The following PPP2CA variants were observed in gnomAD, a reference collection of about 807,000 sequenced individuals.
PPP2CA encodes the protein serine/threonine-protein phosphatase 2A catalytic subunit alpha isoform.
In PPP2CA, 5 loss-of-function variants were observed where a neutral mutation model predicts 38.8. That is an observed-to-expected ratio of 0.13 (90% confidence interval 0.07 to 0.27). The LOEUF (loss-of-function observed/expected upper bound fraction) is 0.27. Ranked by LOEUF, PPP2CA falls within the 10% of genes least tolerant of loss-of-function variation. The pLI, the probability that PPP2CA is intolerant of heterozygous loss-of-function variation, is 1.00. For synonymous variants in PPP2CA, 152 were observed against 134.0 expected (o/e 1.13, Z -0.93); for missense variants, 88 against 389.7 (o/e 0.23, Z 6.52).
intron 1 of PPP2CA, among the ~76,000 whole-genome samples, chr5:134,211,044 A>T (rs1261391915): frequency 6.6e-6 from 1 of 152,196 alleles, no homozygotes; most frequent in Admixed American, 6.5e-5. Context: ...CCTAGAATCC[A>T]AAAATTTGCA....
rs1005126716 is a variant in PPP2CA, at chr5:134,226,036, T to G, written c.-175A>C. The G allele has an allele frequency of 3.7e-6, 2 of 537,826 alleles. No individual in the cohort carries two copies. Among genetic ancestry groups the G allele is most frequent in the Non-Finnish European group, 3.2e-6 (1 of 309,346 alleles). 33.3% of individuals were successfully genotyped at this position (537,826 alleles called of 1,614,324 possible). Reference sequence around the variant, plus strand: ...CTCGGCCGTCGGCCGCTGCGCCTCCTCCTCCGCTCGCTGAGGCTCCAGAGC... The same window carrying G: ...CTCGGCCGTCGGCCGCTGCGCCTCCGCCTCCGCTCGCTGAGGCTCCAGAGC... On this transcript the variant is annotated 5_prime_UTR_variant, in exon 1 of 7. Coordinates refer to ENST00000481195, the MANE Select transcript of PPP2CA (RefSeq NM_002715.4).
At chr5:134,213,569 T>G (rs1459432197) in intron 1 of PPP2CA, among the ~76,000 whole-genome samples, 1 of 151,474 alleles carries the variant, frequency 6.6e-6, no homozygotes, top group Non-Finnish European at 1.5e-5. Context: ...GAGGATTGCT[T>G]GAGCTCAGGA....
intron 1 of PPP2CA, among the ~76,000 whole-genome samples, chr5:134,208,732 G>A (rs995774338): frequency 4.6e-5 from 7 of 152,136 alleles, no homozygotes; most frequent in Non-Finnish European, 1.0e-4. Flanking sequence ...AAAAATTGGG[G>A]AGTGTCTGTA....
At chr5:134,205,705 G>A (rs1440630981) in intron 2 of PPP2CA, 8 of 485,640 alleles carry the variant, frequency 1.6e-5, no homozygotes, top group Non-Finnish European at 2.2e-5. Flanking sequence ...CAATCTGACT[G>A]AGGCATTCAT....
intron 3 of PPP2CA, among the ~76,000 whole-genome samples, 163 bp from the exon 4 acceptor site, chr5:134,201,237 C>T (rs1239511614): frequency 6.6e-6 from 1 of 152,198 alleles, no homozygotes; most frequent in Admixed American, 6.5e-5. Flanking sequence ...CACAGCAAGA[C>T]CCTGTGTCTC....
chr5:134,199,252 C>T, intron 5 of PPP2CA, 48 bp from the exon 6 acceptor site: 1 of 1,345,170 alleles, frequency 7.4e-7, no homozygotes, highest in South Asian at 1.2e-5. Context: ...CTCAATTCAA[C>T]TAAATGTTAC....
chr5:134,209,279 G>GAA (rs56150132), intron 1 of PPP2CA, among the ~76,000 whole-genome samples: 1 of 150,712 alleles, frequency 6.6e-6, no homozygotes. Flanking sequence ...ACCGGAGGGG[G>GAA]AAAAAAAAAA....
rs926224644 is a variant in PPP2CA, at chr5:134,197,583, T to C, written c.*189A>G. The C allele has an allele frequency of 1.0e-5, 6 of 579,212 alleles. No homozygotes were observed. The highest frequency in any genetic ancestry group is 9.3e-5 in the African/African-American group (5 of 53,724). The allele number at this position is 579,212 out of a possible 1,614,324, so 35.9% of individuals were successfully genotyped here. On this transcript the variant is annotated 3_prime_UTR_variant, in exon 7 of 7. Coordinates refer to ENST00000481195, the MANE Select transcript of PPP2CA (RefSeq NM_002715.4). ...CTTCAGCATGCAATGAACTGGTTCA[T>C]TCTAAAGTGGTCACGGCTGTTGATG...
intron 1 of PPP2CA, 37 bp from the exon 2 acceptor site, chr5:134,206,168 G>A (rs1262197556): frequency 6.5e-7 from 1 of 1,531,508 alleles, no homozygotes; most frequent in Non-Finnish European, 9.0e-7. Context: ...AATACATTTG[G>A]CATTAAACAA....
intron 2 of PPP2CA, among the ~76,000 whole-genome samples, chr5:134,203,160 T>C (rs1277785269): frequency 6.6e-6 from 1 of 152,154 alleles, no homozygotes; most frequent in African/African-American, 2.4e-5. Context: ...AAAAACATAA[T>C]CTTAATTTTG....
At chr5:134,198,208 G>A (rs932117830) in intron 6 of PPP2CA, among the ~76,000 whole-genome samples, 6 of 151,648 alleles carry the variant, frequency 4.0e-5, no homozygotes, top group African/African-American at 9.7e-5. Flanking sequence ...GGCTACCACG[G>A]TGAAACCCCA....
At chr5:134,210,619 G>C (rs560073866) in intron 1 of PPP2CA, among the ~76,000 whole-genome samples, 47 of 152,142 alleles carry the variant, frequency 3.1e-4, no homozygotes, top group Non-Finnish European at 5.9e-4. Context: ...CAAGGCAGGT[G>C]GATCATTTGA....
chr5:134,210,065 G>A (rs7705256), intron 1 of PPP2CA, among the ~76,000 whole-genome samples: 4,113 of 151,624 alleles, frequency 0.027, 194 homozygotes, highest in African/African-American at 0.095. Context: ...GATGCAGTGA[G>A]CCGTGATCAT....
intron 1 of PPP2CA, among the ~76,000 whole-genome samples, chr5:134,208,330 A>G (rs1320320231): frequency 6.6e-6 from 1 of 152,218 alleles, no homozygotes; most frequent in East Asian, 1.9e-4. Context: ...TCAAATCATG[A>G]AGGAAAATTA....
intron 1 of PPP2CA, among the ~76,000 whole-genome samples, chr5:134,222,421 GT>G (rs982870161): frequency 1.3e-5 from 2 of 152,130 alleles, no homozygotes; most frequent in Middle Eastern, 6.8e-3. Context: ...GAAGCAGTTT[GT>G]TTTTTCCATA....
Position 134,197,104 on chromosome 5 carries a change from A to G in PPP2CA, c.*668T>C, listed in dbSNP as rs191693762. 1 of 152,728 alleles carries G rather than the reference A, an allele frequency of 6.5e-6. No homozygotes were observed. Among genetic ancestry groups the G allele is most frequent in the East Asian group, 1.9e-4 (1 of 5,190 alleles). The allele number at this position is 152,728 out of a possible 1,614,324, so 9.5% of individuals were successfully genotyped here. ...ATTTGACCTTCTCAGTTCTTAGTTC[A>G]CAAGTTTATTATGAAAAACACTGCA... On this transcript the variant is annotated 3_prime_UTR_variant, in exon 7 of 7. Transcript: ENST00000481195.
At chr5:134,222,837 A>T (rs1287623927) in intron 1 of PPP2CA, among the ~76,000 whole-genome samples, 1 of 152,228 alleles carries the variant, frequency 6.6e-6, no homozygotes, top group African/African-American at 2.4e-5. Context: ...TATACTATAC[A>T]CTAACAACCT....
rs1402525792 is a variant in PPP2CA, at chr5:134,195,871, G to A, written c.*1901C>T. On this transcript the variant is annotated 3_prime_UTR_variant, in exon 7 of 7. Transcript: ENST00000481195. Reference sequence around the variant, plus strand: ...ACAAAATTTAGAGAATTTGTACCTGGAAGATACCACCACGTGTCAATTACA... The same window carrying A: ...ACAAAATTTAGAGAATTTGTACCTGAAAGATACCACCACGTGTCAATTACA... The A allele has an allele frequency of 6.6e-6, 1 of 152,030 alleles. No homozygotes were observed. Among genetic ancestry groups the A allele is most frequent in the Non-Finnish European group, 1.5e-5 (1 of 68,034 alleles). The allele number at this position is 152,030 out of a possible 1,614,324, so 9.4% of individuals were successfully genotyped here.
At chr5:134,204,505 C>T (rs763792371) in intron 2 of PPP2CA, among the ~76,000 whole-genome samples, 9 of 152,142 alleles carry the variant, frequency 5.9e-5, no homozygotes, top group African/African-American at 9.7e-5. Context: ...CTCTGTCACA[C>T]GGCTGGAGTG....
Sources: allele counts gnomAD v4.1 joint callset (sites outside exome capture counted in the v4.1 genomes callset), GRCh38; gene constraint gnomAD v4.1.1; transcripts MANE v1.5; gene names NCBI Gene and HGNC (gene_info 2026-07-23, HGNC 2026-07-21).